The following RBM25 variants were observed in gnomAD, a reference collection of about 807,000 sequenced individuals.
RBM25 encodes RNA binding motif protein 25.
Under a neutral mutation model 120.7 loss-of-function variants are expected in RBM25, and 19 were observed. That is an observed-to-expected ratio of 0.16 (90% CI 0.11 to 0.23). The LOEUF (loss-of-function observed/expected upper bound fraction) is 0.23, where lower values mean the gene tolerates loss of function less well. RBM25 is among the 10% of genes least tolerant of loss of function. The probability of loss-of-function intolerance (pLI) is 1.00; values close to 1 mark genes in which losing one functional copy is unlikely to be tolerated. For synonymous variants in RBM25, 390 were observed against 326.7 expected, an observed-to-expected ratio of 1.19 and a Z score of -2.09; for missense variants, 605 against 1,041.5, an observed-to-expected ratio of 0.58 and a Z score of 5.77.
intron 5 of RBM25, among the ~76,000 whole-genome samples, chr14:73,085,567 C>T (rs1373950494): frequency 6.6e-6 from 1 of 151,790 alleles, no homozygotes; most frequent in Non-Finnish European, 1.5e-5. Flanking sequence ...GCCTCAGCCT[C>T]CTGAGTAGCC....
chr14:73,080,989 TA>T (rs1428596504), intron 4 of RBM25, among the ~76,000 whole-genome samples: 1 of 151,564 alleles, frequency 6.6e-6, no homozygotes, highest in Non-Finnish European at 1.5e-5. Flanking sequence ...CACACCTGGC[TA>T]ATTTTTGTAT....
chr14:73,089,742 C>T lies in RBM25; in HGVS notation c.543+1581C>T, dbSNP rs553522703. Among the ~76,000 whole-genome samples, 4 of 151,970 alleles carry T rather than the reference C, an allele frequency of 2.6e-5. No individual in the cohort carries two copies. The East Asian group carries it at 7.7e-4, about 29-fold the overall frequency. On this transcript the variant is annotated intron_variant, in intron 6 of 18. Transcript: ENST00000261973. ...AGTGCAGTGGTGCGACCTTAGCTCACTGCAACCTCCACCTCCCAGGTTCAA... is the reference window on the plus strand; with the variant it reads ...AGTGCAGTGGTGCGACCTTAGCTCATTGCAACCTCCACCTCCCAGGTTCAA...
chr14:73,063,972 C>A (rs1336773098), intron 1 of RBM25, among the ~76,000 whole-genome samples: 1 of 151,480 alleles, frequency 6.6e-6, no homozygotes, highest in Non-Finnish European at 1.5e-5. Context: ...CCCTCAAATA[C>A]ACCATTCCTG....
intron 18 of RBM25, among the ~76,000 whole-genome samples, chr14:73,115,612 G>T (rs1033033582): frequency 1.3e-5 from 2 of 152,102 alleles, no homozygotes; most frequent in African/African-American, 4.8e-5. Flanking sequence ...ATTTAATTTG[G>T]GATTACAGTC....
chr14:73,115,986 T>G (rs981706258), intron 18 of RBM25, among the ~76,000 whole-genome samples: 12 of 152,278 alleles, frequency 7.9e-5, no homozygotes, highest in Admixed American at 7.8e-4. Context: ...AGCACTCATT[T>G]AAGTGGGGGG....
rs57669015 is a variant in RBM25 at position 73,069,746 on chromosome 14, T to TAAAAAAAAAAAAAAAAAAAA, written c.-15-1867_-15-1848dup. 17 of 44,158 alleles carry TAAAAAAAAAAAAAAAAAAAA rather than the reference T, an allele frequency of 3.8e-4. 1 individual carries two copies. The highest frequency in any genetic ancestry group is 1.9e-3 in the East Asian group (1 of 516). The allele number at this position is 44,158 out of a possible 1,614,324, so 2.7% of individuals were successfully genotyped here. ...ACCGTGCCTGGCCGACCCTGTTTCT[T>TAAAAAAAAAAAAAAAAAAAA]AAAAAAAAAAAAAAAAAAAAAAAAA... On this transcript the variant is annotated intron_variant, in intron 1 of 18. Transcript: ENST00000261973.
chr14:73,108,042 A>C (rs1329620849), intron 13 of RBM25, 143 bp downstream of exon 13: 2 of 654,276 alleles, frequency 3.1e-6, no homozygotes, highest in East Asian at 5.4e-5. Context: ...TTCTATAGCT[A>C]ATACACTGTT....
intron 2 of RBM25, among the ~76,000 whole-genome samples, chr14:73,072,782 C>T (rs1300157563): frequency 6.6e-6 from 1 of 152,104 alleles, no homozygotes; most frequent in African/African-American, 2.4e-5. Flanking sequence ...TTTGAAAAAA[C>T]AAAAATCTTT....
intron 4 of RBM25, among the ~76,000 whole-genome samples, chr14:73,080,978 C>T (rs899150741): frequency 4.6e-5 from 7 of 151,304 alleles, no homozygotes; most frequent in African/African-American, 1.5e-4. Flanking sequence ...ATGCCTGCTA[C>T]CACACCTGGC....
Position 73,121,250 on chromosome 14 carries a change from C to T in RBM25, c.*1445C>T, listed in dbSNP as rs995224772. ...AGGACATTTGAAAACACTGTTCTTA[C>T]CCTCGAACCCTGATGTGGTTCCATT... On this transcript the variant is annotated 3_prime_UTR_variant, in exon 19 of 19. Coordinates refer to ENST00000261973, the MANE Select transcript of RBM25 (RefSeq NM_021239.3). The T allele has an allele frequency of 1.3e-5, 2 of 151,986 alleles. No individual in the cohort carries two copies. Among genetic ancestry groups the T allele is most frequent in the Non-Finnish European group, 2.9e-5 (2 of 67,934 alleles). The allele number at this position is 151,986 out of a possible 1,614,324, so 9.4% of individuals were successfully genotyped here.
At chr14:73,068,767 G>C (rs1895205094) in intron 1 of RBM25, 1 of 280,766 alleles carries the variant, frequency 3.6e-6, no homozygotes, top group African/African-American at 2.2e-5. Flanking sequence ...GTAGAGATGG[G>C]GTTTCACCAT....
intron 3 of RBM25, among the ~76,000 whole-genome samples, chr14:73,076,609 A>T (rs7144160): frequency 6.6e-6 from 1 of 152,068 alleles, no homozygotes. Flanking sequence ...TCCTGTTACT[A>T]TCTAGACTCT....
chr14:73,072,432 T>C (rs1159209988), intron 2 of RBM25, among the ~76,000 whole-genome samples: 1 of 152,220 alleles, frequency 6.6e-6, no homozygotes, highest in Non-Finnish European at 1.5e-5. Context: ...TATTAGTTTT[T>C]TCTTGATTTT....
In RBM25 at chr14:73,110,864, C is replaced by G; in HGVS notation, c.1726C>G (p.Gln576Glu). Residue 576 changes from glutamine to glutamate, a missense_variant, in exon 15 of 19, where the codon CAA (glutamine) becomes GAA (glutamate). Coordinates refer to ENST00000261973, the MANE Select transcript of RBM25 (RefSeq NM_021239.3). ...EQEAERRRQP[Q>E]IKQEPESEEE... is the part of the protein sequence containing the mutation. ...AGAGGCTGAGAGGCGCAGGCAGCCA[C>G]AAATAAAGCAAGAGCCAGAATCAGA... 6.2e-7 allele frequency: 1 copy of G among 1,611,482 alleles called. No homozygotes were observed. The highest frequency in any genetic ancestry group is 2.2e-5 in the East Asian group (1 of 44,864).
At position 73,093,495 on chromosome 14, in the gene RBM25, A is replaced by G. The variant is rs552033832; in HGVS notation, c.544-3420A>G. Among the ~76,000 whole-genome samples, 10 of 152,150 alleles carry G rather than the reference A, an allele frequency of 6.6e-5. No individual in the cohort carries two copies. In the South Asian group the frequency reaches 1.9e-3, roughly 28 times the overall value. ...CACCTTTTGTTTCCCAGTATTACTG[A>G]TTATGCTTTCTGGTTTCTCCCTCTC... On this transcript the variant is annotated intron_variant, in intron 6 of 18. Transcript: ENST00000261973.
intron 14 of RBM25, among the ~76,000 whole-genome samples, chr14:73,110,196 T>C (rs912257670): frequency 8.6e-5 from 13 of 151,442 alleles, no homozygotes; most frequent in South Asian, 6.3e-4. Flanking sequence ...TTTTTTTTTT[T>C]CCCTGAGACA....
At chr14:73,100,402 C>T in intron 9 of RBM25, 2 of 593,248 alleles carry the variant, frequency 3.4e-6, no homozygotes, top group Admixed American at 2.5e-5. Context: ...TTTATGGATG[C>T]CCCCTCAGAA....
chr14:73,085,574 A>C (rs1327309540), intron 5 of RBM25, among the ~76,000 whole-genome samples: 1 of 151,758 alleles, frequency 6.6e-6, no homozygotes, highest in Non-Finnish European at 1.5e-5. Flanking sequence ...CCTCCTGAGT[A>C]GCCAGGATTA....
intron 9 of RBM25, 71 bp downstream of exon 9, chr14:73,099,821 A>G: frequency 1.3e-6 from 2 of 1,510,686 alleles, no homozygotes; most frequent in South Asian, 1.4e-5. Flanking sequence ...GAGACAAAAA[A>G]AATCAACCTT....
Sources: gnomAD v4.1 joint callset for allele counts (sites outside exome capture counted in the v4.1 genomes callset) on GRCh38, gnomAD v4.1.1 for gene constraint, MANE v1.5 for transcripts, NCBI Gene and HGNC (gene_info 2026-07-23, HGNC 2026-07-21) for gene names.